HMCN1: variants seen among roughly 807,000 people sequenced by gnomAD.
The protein encoded by HMCN1 is hemicentin 1, also known as hemicentin-1.
In HMCN1, 321 loss-of-function variants were observed where a neutral mutation model predicts 625.9. That is an observed-to-expected ratio of 0.51 (90% CI 0.47 to 0.56). The LOEUF (loss-of-function observed/expected upper bound fraction) is 0.56. Among genes scored for constraint, HMCN1 ranks in the 20% least tolerant of loss-of-function variants. HMCN1 has a pLI of 0.00. For synonymous variants in HMCN1, 2,425 were observed against 2,417.6 expected, an observed-to-expected ratio of 1.00 and a Z score of -0.09; for missense variants, 6,588 against 6,887.3, an observed-to-expected ratio of 0.96 and a Z score of 1.54.
intron 36 of HMCN1, among the ~76,000 whole-genome samples, chr1:186,034,455 T>C (rs1358707902): frequency 1.3e-5 from 2 of 152,166 alleles, no homozygotes; most frequent in African/African-American, 4.8e-5. Flanking sequence ...AAAATACCCC[T>C]GGGGAAAAGG....
At chr1:185,993,904 C>T (rs1408183029) in intron 23 of HMCN1, among the ~76,000 whole-genome samples, 3 of 152,064 alleles carry the variant, frequency 2.0e-5, no homozygotes, top group Non-Finnish European at 2.9e-5. Context: ...TCTGATTTCA[C>T]TCTCAGATGA....
At chr1:186,158,196 G>A (rs1212593436) in intron 97 of HMCN1, among the ~76,000 whole-genome samples, 8 of 150,208 alleles carry the variant, frequency 5.3e-5, no homozygotes, top group Non-Finnish European at 1.2e-4. Flanking sequence ...GGCCAGTGAT[G>A]ATGAGCATTT....
At chr1:186,130,239 A>G (rs1347200816) in intron 84 of HMCN1, 139 bp downstream of exon 84, 1 of 1,210,916 alleles carries the variant, frequency 8.3e-7, no homozygotes, top group Non-Finnish European at 1.2e-6. Flanking sequence ...GTACAAATTC[A>G]TGAGAAAAAA....
In HMCN1 at chr1:185,788,357, T is replaced by C. The variant is rs888206773; in HGVS notation, c.268+53310T>C. 2.6e-5 allele frequency among the ~76,000 whole-genome samples: 4 copies of C among 152,222 alleles called. No individual in the cohort carries two copies. In the South Asian group the frequency reaches 8.3e-4, roughly 31 times the overall value. On this transcript the variant is annotated intron_variant, in intron 1 of 106. Transcript: ENST00000271588. ...CAAAGAAAACAAGAAAACTGAGAGA[T>C]AGTAAAAATTAATATTACATTAGAA...
chr1:185,982,439 TTC>T (rs748596831), intron 18 of HMCN1, 50 bp downstream of exon 18: 6 of 1,547,876 alleles, frequency 3.9e-6, no homozygotes, highest in Admixed American at 1.7e-5. Context: ...GAGTTTTCTT[TTC>T]TTTTTTTTTT....
chr1:185,766,383 C>A (rs1655872357), intron 1 of HMCN1, among the ~76,000 whole-genome samples: 1 of 152,062 alleles, frequency 6.6e-6, no homozygotes, highest in African/African-American at 2.4e-5. Flanking sequence ...AGCCCAAGGC[C>A]TACCCATGGT....
At chr1:185,953,960 T>G (rs1450888151) in intron 11 of HMCN1, among the ~76,000 whole-genome samples, 8 of 134,754 alleles carry the variant, frequency 5.9e-5, no homozygotes, top group African/African-American at 1.1e-4. Context: ...TGGGCAGGAG[T>G]GGGGGTCGCA....
intron 4 of HMCN1, among the ~76,000 whole-genome samples, chr1:185,897,799 A>G (rs752280247): frequency 2.0e-5 from 3 of 152,046 alleles, no homozygotes; most frequent in Non-Finnish European, 4.4e-5. Context: ...TCTCTCTCCT[A>G]TTGTTAGCTA....
Position 186,008,036 on chromosome 1 carries a change from A to G in HMCN1, c.4630+754A>G, listed in dbSNP as rs113655755. Among the ~76,000 whole-genome samples, 1,351 of 152,212 alleles carry G rather than the reference A, an allele frequency of 8.9e-3. 25 individuals carry two copies. The highest frequency in any genetic ancestry group is 0.031 in the African/African-American group (1,301 of 41,554). ...CCTTCTCATAGGATCTTCCCATTAA[A>G]AGCAGTCACCTACTTACTCTCTTGT... is the stretch of plus-strand genomic sequence containing the variant. On this transcript the variant is annotated intron_variant, in intron 30 of 106. Transcript: ENST00000271588.
intron 15 of HMCN1, among the ~76,000 whole-genome samples, chr1:185,974,990 T>C: frequency 6.6e-6 from 1 of 152,204 alleles, no homozygotes; most frequent in Non-Finnish European, 1.5e-5. Context: ...TTGTAATGTG[T>C]CAGTAAACTG....
At chr1:185,829,270 C>A (rs1225808276) in intron 1 of HMCN1, among the ~76,000 whole-genome samples, 1 of 150,594 alleles carries the variant, frequency 6.6e-6, no homozygotes, top group East Asian at 1.9e-4. Flanking sequence ...AACCCCAGTA[C>A]TTTGTTTCAT....
At chr1:186,166,424 CAAAG>C in intron 99 of HMCN1, 121 bp downstream of exon 99, 2 of 1,237,420 alleles carry the variant, frequency 1.6e-6, no homozygotes, top group Admixed American at 3.9e-5. Flanking sequence ...TGGCAACAAA[CAAAG>C]AAGGTCTCCA....
intron 45 of HMCN1, among the ~76,000 whole-genome samples, chr1:186,055,943 C>T (rs2102289346): frequency 6.6e-6 from 1 of 152,028 alleles, no homozygotes; most frequent in South Asian, 2.1e-4. Context: ...GCTTTTGGTC[C>T]AATGCTATCC....
intron 93 of HMCN1, among the ~76,000 whole-genome samples, chr1:186,148,935 C>CTTTTTTTTTTTTTTT (rs57126500): frequency 7.0e-6 from 1 of 143,304 alleles, no homozygotes. Flanking sequence ...TGAAAGGAAT[C>CTTTTTTTTTTTTTTT]TTTTTTTTTT....
At chr1:186,010,173 G>A (rs188249033) in intron 30 of HMCN1, among the ~76,000 whole-genome samples, 104 of 152,094 alleles carry the variant, frequency 6.8e-4, no homozygotes, top group Middle Eastern at 3.4e-3. Flanking sequence ...AGGGGTGTGC[G>A]TGTCTGTGTG....
chr1:185,945,507 G>A (rs765145359), intron 11 of HMCN1, among the ~76,000 whole-genome samples: 1 of 152,070 alleles, frequency 6.6e-6, no homozygotes, highest in Non-Finnish European at 1.5e-5. Flanking sequence ...AGCCTATAAA[G>A]TAATAAAGGA....
intron 4 of HMCN1, among the ~76,000 whole-genome samples, chr1:185,904,033 T>C (rs1665957706): frequency 6.6e-6 from 1 of 151,858 alleles, no homozygotes; most frequent in Non-Finnish European, 1.5e-5. Flanking sequence ...TCTTCCTTTG[T>C]CTAAGTTCTT....
intron 14 of HMCN1, among the ~76,000 whole-genome samples, chr1:185,969,016 A>C (rs779517937): frequency 6.6e-6 from 1 of 152,188 alleles, no homozygotes; most frequent in Non-Finnish European, 1.5e-5. Context: ...AGCTACTAGC[A>C]AAAAAGTCTT....
chr1:185,892,844 T>A (rs1665206861), intron 4 of HMCN1, among the ~76,000 whole-genome samples: 1 of 152,198 alleles, frequency 6.6e-6, no homozygotes, highest in Non-Finnish European at 1.5e-5. Context: ...TCCACCCAGT[T>A]CGAGCTTCCA....
Sources: allele counts gnomAD v4.1 joint callset (sites outside exome capture counted in the v4.1 genomes callset), GRCh38; gene constraint gnomAD v4.1.1; transcripts MANE v1.5; gene names NCBI Gene and HGNC (gene_info 2026-07-23, HGNC 2026-07-21).